SEMA7A: variants seen among roughly 807,000 people sequenced by gnomAD.
SEMA7A encodes the protein semaphorin 7A (JohnMiltonHagen blood group), also known as semaphorin-7A.
SEMA7A carries 21 observed loss-of-function variants against 67.5 expected under a neutral mutation model. That is an observed-to-expected ratio of 0.31 (90% CI 0.22 to 0.45). The LOEUF (loss-of-function observed/expected upper bound fraction) is 0.45. SEMA7A is among the 20% of genes least tolerant of loss of function. The pLI, the probability that SEMA7A is intolerant of heterozygous loss-of-function variation, is 1.00. For synonymous variants in SEMA7A, 364 were observed against 368.5 expected (o/e 0.99, Z 0.14); for missense variants, 774 against 908.6 (o/e 0.85, Z 1.90).
Position 74,433,888 on chromosome 15 carries a change from G to A in SEMA7A, c.31C>T (p.Pro11Ser), listed in dbSNP as rs565391088. Residue 11 changes from proline to serine, a missense_variant, in exon 1 of 14, where the codon CCC becomes TCC. Physicochemically the swap from Pro to Ser is moderately conservative, Grantham distance 74. Transcript: ENST00000261918. MTPPPPGRAA[P>S]SAPRARVPGP... ...GGGACGCGGGCGCGCGGTGCGCTGG[G>A]GGCGGCACGTCCGGGCGGAGGAGGC... 6 of 1,267,080 alleles carry A rather than the reference G, an allele frequency of 4.7e-6. No individual in the cohort carries two copies. The highest frequency in any genetic ancestry group is 5.9e-6 in the Non-Finnish European group (6 of 1,011,548). 78.5% of individuals were successfully genotyped at this position (1,267,080 alleles called of 1,614,324 possible).
At chr15:74,416,074 C>T in intron 7 of SEMA7A, 89 bp from the exon 8 acceptor site, 1 of 1,364,134 alleles carries the variant, frequency 7.3e-7, no homozygotes, top group Non-Finnish European at 1.0e-6. Context: ...AATATCAACA[C>T]CTGGGCCCAG....
intron 1 of SEMA7A, among the ~76,000 whole-genome samples, chr15:74,426,865 A>G (rs566579919): frequency 2.6e-5 from 4 of 152,286 alleles, no homozygotes; most frequent in Non-Finnish European, 5.9e-5. Flanking sequence ...AGCCCTGGCG[A>G]AAACACTCAC....
chr15:74,417,781 G>GC, intron 4 of SEMA7A, 96 bp downstream of exon 4: 1 of 1,546,302 alleles, frequency 6.5e-7, no homozygotes, highest in Non-Finnish European at 8.9e-7. Context: ...GGCAAGGCCA[G>GC]CATTGGAGTC....
chr15:74,412,768 CCTT>C (rs2060912467), intron 10 of SEMA7A, among the ~76,000 whole-genome samples: 4 of 151,642 alleles, frequency 2.6e-5, no homozygotes, highest in Admixed American at 1.3e-4. Context: ...CCACAAATGT[CCTT>C]CTTCTGTTCT....
In SEMA7A at chr15:74,414,192, C is replaced by T. The variant is rs2060925639; in HGVS notation, c.1294+355G>A. Reference sequence around the variant, plus strand: ...TTCTGCCTGGCAGAGGCCAGTATCCCTGTGGTTCAGGCCCCTCCTCCTCAT... The same window carrying T: ...TTCTGCCTGGCAGAGGCCAGTATCCTTGTGGTTCAGGCCCCTCCTCCTCAT... On this transcript the variant is annotated intron_variant, in intron 10 of 13. Transcript: ENST00000261918. The surrounding 1 kb of genome is among the most constrained non-coding windows in gnomAD (Gnocchi z 4.1). Among the ~76,000 whole-genome samples the T allele has an allele frequency of 6.6e-6, 1 of 152,214 alleles. No homozygotes were observed. Among genetic ancestry groups the T allele is most frequent in the Non-Finnish European group, 1.5e-5 (1 of 68,034 alleles).
In SEMA7A at chr15:74,418,858, T is replaced by A. The variant is rs1382971800; in HGVS notation, c.273A>T (p.Gly91=). Residue 91 remains glycine, a synonymous_variant, in exon 2 of 14, where the codon GGA becomes GGT. Transcript: ENST00000261918. ...AGTCAAAGAGGTAGACCTTGCCACG[T>A]CCTCCCACCCACACAGAGGAGCTGC... The part of the protein sequence containing the change: ...EPGSSSVWVG[G]RGKVYLFDFP... 2.5e-6 allele frequency: 4 copies of A among 1,613,616 alleles called. No individual in the cohort carries two copies. The highest frequency in any genetic ancestry group is 1.7e-5 in the Admixed American group (1 of 59,990).
intron 1 of SEMA7A, among the ~76,000 whole-genome samples, chr15:74,429,628 T>A (rs12439178): frequency 6.6e-6 from 1 of 152,174 alleles, no homozygotes; most frequent in African/African-American, 2.4e-5. Context: ...AGGCCTTCCC[T>A]GCCTGCCACG....
In SEMA7A at chr15:74,416,567, C is replaced by T. The variant is rs2734630; in HGVS notation, c.801+8G>A. ...CACGTAGCCAGCAGCCCTCACGCCC[C>T]TGCTCACCCTGCACAACTGGGCCAC... On this transcript the variant is annotated splice_region_variant and intron_variant, in intron 7 of 13. Coordinates refer to ENST00000261918, the MANE Select transcript of SEMA7A (RefSeq NM_003612.5). The T allele has an allele frequency of 1.2e-6, 2 of 1,613,650 alleles. No individual in the cohort carries two copies. The highest frequency in any genetic ancestry group is 1.7e-6 in the Non-Finnish European group (2 of 1,179,650).
intron 1 of SEMA7A, among the ~76,000 whole-genome samples, chr15:74,429,979 C>G (rs1257298222): frequency 1.3e-5 from 2 of 152,058 alleles, no homozygotes; most frequent in Admixed American, 6.5e-5. Context: ...TCCTCAGTGC[C>G]CATAACTGCT....
At chr15:74,415,260 C>A (rs1270435466) in intron 8 of SEMA7A, among the ~76,000 whole-genome samples, 1 of 152,050 alleles carries the variant, frequency 6.6e-6, no homozygotes, top group African/African-American at 2.4e-5. Context: ...GGTGCTGATG[C>A]CCCAGGAGGC....
intron 1 of SEMA7A, among the ~76,000 whole-genome samples, chr15:74,424,261 G>A (rs1029038913): frequency 6.6e-6 from 1 of 152,146 alleles, no homozygotes; most frequent in African/African-American, 2.4e-5. Flanking sequence ...TTAGCTGGGT[G>A]CGAGTCAGGG....
At position 74,411,373 on chromosome 15, in the gene SEMA7A, G is replaced by C; in HGVS notation, c.1578-17C>G. Reference sequence around the variant, plus strand: ...AGCACTGACCTGGAGTGGGAAGGACGAAAGAGGATCAGCAGATACAAGGCT... The same window carrying C: ...AGCACTGACCTGGAGTGGGAAGGACCAAAGAGGATCAGCAGATACAAGGCT... On this transcript the variant is annotated splice_polypyrimidine_tract_variant and intron_variant, in intron 12 of 13. Transcript: ENST00000261918. This position sits in a 1 kb window ranked among gnomAD's most constrained non-coding sequence, Gnocchi z 4.4. The C allele has an allele frequency of 2.5e-6, 4 of 1,613,222 alleles. No homozygotes were observed. Among genetic ancestry groups the C allele is most frequent in the Non-Finnish European group, 3.4e-6 (4 of 1,179,496 alleles).
At chr15:74,416,769 A>C in intron 6 of SEMA7A, 55 bp from the exon 7 acceptor site, 2 of 1,588,586 alleles carry the variant, frequency 1.3e-6, no homozygotes, top group South Asian at 2.3e-5. Flanking sequence ...CCGGGAGACC[A>C]TCCCAACCCT....
rs2060888726 is a variant in SEMA7A, at chr15:74,410,387, G to A, written c.*237C>T. 4 of 513,102 alleles carry A rather than the reference G, an allele frequency of 7.8e-6. No homozygotes were observed. The highest frequency in any genetic ancestry group is 7.3e-5 in the South Asian group (2 of 27,256). The allele number at this position is 513,102 out of a possible 1,614,324, so 31.8% of individuals were successfully genotyped here. A position where few individuals can be genotyped will look rare whatever the true frequency, so the allele number is the denominator to read the frequency against. On this transcript the variant is annotated 3_prime_UTR_variant, in exon 14 of 14. Transcript: ENST00000261918. The surrounding 1 kb of genome is among the most constrained non-coding windows in gnomAD (Gnocchi z 7.5). ...CCAGAAGATAAAGTCTTGGGTCATC[G>A]ATGCCCCAGCTTCACAGTCGGTGCC...
chr15:74,411,622 AGGCAACCGT>A lies in SEMA7A; in HGVS notation c.1502_1510del (p.His501_Cys503del). ...GCCGCAGTAGGGGTCTCGGGACATGAGGCAACCGTGGCAGCCCCCGCCATAGACCTCACA... is the reference window on the plus strand; with the variant it reads ...GCCGCAGTAGGGGTCTCGGGACATGAGGCAGCCCCCGCCATAGACCTCACA... On this transcript the variant is annotated inframe_deletion, in exon 12 of 14. Transcript: ENST00000261918. The surrounding 1 kb of genome is among the most constrained non-coding windows in gnomAD (Gnocchi z 4.4). The A allele has an allele frequency of 6.2e-7, 1 of 1,609,046 alleles. No homozygotes were observed. The highest frequency in any genetic ancestry group is 8.5e-7 in the Non-Finnish European group (1 of 1,177,696).
At chr15:74,422,561 G>A (rs1201855756) in intron 1 of SEMA7A, among the ~76,000 whole-genome samples, 1 of 152,164 alleles carries the variant, frequency 6.6e-6, no homozygotes, top group African/African-American at 2.4e-5. Flanking sequence ...TAGTTCCCCT[G>A]AGTACCATTT....
chr15:74,416,859 ACTCCCCG>A, intron 6 of SEMA7A, 145 bp from the exon 7 acceptor site: 1 of 881,426 alleles, frequency 1.1e-6, no homozygotes, highest in Non-Finnish European at 1.7e-6. Context: ...ATCAGGTCCA[ACTCCCCG>A]AGGGGCCCTA....
intron 1 of SEMA7A, among the ~76,000 whole-genome samples, chr15:74,424,514 T>C (rs1472796791): frequency 1.3e-5 from 2 of 152,280 alleles, no homozygotes; most frequent in African/African-American, 2.4e-5. Flanking sequence ...ACAACCTGTA[T>C]TGCCGTTTTA....
chr15:74,428,363 G>A (rs999999854), intron 1 of SEMA7A, among the ~76,000 whole-genome samples: 7 of 152,222 alleles, frequency 4.6e-5, no homozygotes, highest in African/African-American at 1.7e-4. Flanking sequence ...AGGCTCAGAC[G>A]ACTCAGCCCC....
Sources: allele counts gnomAD v4.1 joint callset (sites outside exome capture counted in the v4.1 genomes callset), GRCh38; gene constraint gnomAD v4.1.1; non-coding constraint Gnocchi (gnomAD v3.1); transcripts MANE v1.5; gene names NCBI Gene and HGNC (gene_info 2026-07-23, HGNC 2026-07-21).